ADGRV1: variants seen among roughly 807,000 people sequenced by gnomAD.
ADGRV1 encodes the protein G-protein coupled receptor 98.
A neutral mutation model predicts 596.2 loss-of-function variants in ADGRV1; 359 were observed. That is an observed-to-expected ratio of 0.60 (90% CI 0.55 to 0.66). The LOEUF (loss-of-function observed/expected upper bound fraction) is 0.66. ADGRV1 is among the 30% of genes least tolerant of loss of function. The pLI, the probability that ADGRV1 is intolerant of heterozygous loss-of-function variation, is 0.00. For synonymous variants in ADGRV1, 2,681 were observed against 2,679.2 expected (o/e 1.00, Z -0.02); for missense variants, 7,274 against 7,575.6 (o/e 0.96, Z 1.48).
intron 1 of ADGRV1, among the ~76,000 whole-genome samples, chr5:90,609,977 A>C (rs917029052): frequency 6.6e-5 from 10 of 151,860 alleles, no homozygotes; most frequent in African/African-American, 2.4e-4. Flanking sequence ...TTGAATTATG[A>C]CTTTCTTTCA....
Position 90,706,403 on chromosome 5 carries a change from C to T in ADGRV1, c.8730+9C>T, listed in dbSNP as rs886043931. 3.1e-5 allele frequency: 42 copies of T among 1,374,856 alleles called. No homozygotes were observed. Among genetic ancestry groups the T allele is most frequent in the East Asian group, 2.3e-4 (9 of 38,358 alleles). 85.2% of individuals were successfully genotyped at this position (1,374,856 alleles called of 1,614,324 possible). A position where few individuals can be genotyped will look rare whatever the true frequency, so the allele number is the denominator to read the frequency against. Reference sequence around the variant, plus strand: ...ACATTACCATTCTTGAGGTAAAACTCTTTTTTTTTTTTAATCTTAGGGGGA... The same window carrying T: ...ACATTACCATTCTTGAGGTAAAACTTTTTTTTTTTTTTAATCTTAGGGGGA... On this transcript the variant is annotated intron_variant, in intron 38 of 89. Transcript: ENST00000405460.
chr5:90,633,244 A>G (rs1389145300), intron 9 of ADGRV1, among the ~76,000 whole-genome samples: 2 of 151,958 alleles, frequency 1.3e-5, no homozygotes, highest in Non-Finnish European at 2.9e-5. Context: ...TACAATTAAC[A>G]TTTTCTTTTC....
At chr5:90,969,472 C>G (rs369129703) in intron 84 of ADGRV1, among the ~76,000 whole-genome samples, 130 of 152,336 alleles carry the variant, frequency 8.5e-4, no homozygotes, top group African/African-American at 3.1e-3. Context: ...ACCTTTAACT[C>G]CTTATTAAAG....
At chr5:90,639,103 C>T (rs1052433966) in intron 11 of ADGRV1, among the ~76,000 whole-genome samples, 10 of 151,214 alleles carry the variant, frequency 6.6e-5, no homozygotes, top group Admixed American at 2.6e-4. Context: ...CACACGCTCG[C>T]GCACACACAC....
At chr5:91,003,642 A>C (rs1026471287) in intron 85 of ADGRV1, among the ~76,000 whole-genome samples, 1 of 152,216 alleles carries the variant, frequency 6.6e-6, no homozygotes, top group African/African-American at 2.4e-5. Flanking sequence ...GTACACACTA[A>C]AATTTAGGAA....
Position 90,611,121 on chromosome 5 carries a change from G to A in ADGRV1, c.23-3714G>A, listed in dbSNP as rs182259694. Among the ~76,000 whole-genome samples the A allele has an allele frequency of 2.7e-3, 410 of 151,770 alleles. 2 individuals are homozygous for A. Among genetic ancestry groups the A allele is most frequent in the African/African-American group, 8.4e-3 (349 of 41,424 alleles). On this transcript the variant is annotated intron_variant, in intron 1 of 89. Transcript: ENST00000405460. ...TCTCGGTGATTGATGAGCACAGGGC[G>A]TTGCATGATGTACAGGTACACAATA... is the stretch of plus-strand genomic sequence containing the variant.
intron 85 of ADGRV1, among the ~76,000 whole-genome samples, chr5:91,052,560 G>A (rs569740190): frequency 2.0e-5 from 3 of 151,548 alleles, no homozygotes; most frequent in South Asian, 4.2e-4. Context: ...TCAGCCTCCC[G>A]AGTAGCTGGT....
intron 76 of ADGRV1, 79 bp from the exon 77 acceptor site, chr5:90,828,865 A>C: frequency 2.4e-6 from 2 of 837,462 alleles, no homozygotes; most frequent in South Asian, 3.6e-5. Context: ...TGAATTATAC[A>C]ATATTTAAAT....
intron 20 of ADGRV1, among the ~76,000 whole-genome samples, chr5:90,656,234 G>T (rs1769390623): frequency 6.6e-6 from 1 of 152,084 alleles, no homozygotes; most frequent in African/African-American, 2.4e-5. Context: ...CATTTATAAG[G>T]CATTTTCCAT....
intron 83 of ADGRV1, among the ~76,000 whole-genome samples, chr5:90,951,025 T>G (rs7705201): frequency 0.43 from 64,997 of 152,016 alleles, 15,075 homozygotes; most frequent in Non-Finnish European, 0.51. Context: ...TGTTATAAAA[T>G]CTGTGGTGAA....
chr5:91,100,264 G>C (rs1582057022), intron 86 of ADGRV1, among the ~76,000 whole-genome samples: 1 of 151,978 alleles, frequency 6.6e-6, no homozygotes, highest in African/African-American at 2.4e-5. Context: ...TATACAAAAA[G>C]TACAAAAATT....
At chr5:90,899,685 A>C (rs186572188) in intron 83 of ADGRV1, among the ~76,000 whole-genome samples, 7 of 152,090 alleles carry the variant, frequency 4.6e-5, no homozygotes, top group Non-Finnish European at 1.0e-4. Flanking sequence ...TCCTTCAGAC[A>C]CTTTTTATTT....
chr5:90,942,418 G>T (rs143064509), intron 83 of ADGRV1, among the ~76,000 whole-genome samples: 274 of 152,234 alleles, frequency 1.8e-3, no homozygotes, highest in African/African-American at 6.1e-3. Context: ...GAGAGGAGAG[G>T]GAATAGTATG....
intron 7 of ADGRV1, 93 bp downstream of exon 7, chr5:90,627,869 GA>G (rs1278775662): frequency 1.5e-6 from 1 of 679,730 alleles, no homozygotes; most frequent in Non-Finnish European, 2.3e-6. Context: ...TGAACTGTTA[GA>G]ATATGTGTCA....
chr5:90,625,523 G>A, intron 6 of ADGRV1: 1 of 255,546 alleles, frequency 3.9e-6, no homozygotes, highest in Admixed American at 5.3e-5. Flanking sequence ...TTTTGAGCAA[G>A]AACAATACTA....
chr5:90,567,032 C>CT (rs1420273273), intron 1 of ADGRV1, among the ~76,000 whole-genome samples: 2 of 151,730 alleles, frequency 1.3e-5, no homozygotes, highest in African/African-American at 2.4e-5. Context: ...TTTTCAAGTG[C>CT]TTTTTTTGTG....
chr5:90,775,396 A>G (rs892800272), intron 60 of ADGRV1, among the ~76,000 whole-genome samples: 1 of 152,178 alleles, frequency 6.6e-6, no homozygotes, highest in African/African-American at 2.4e-5. Flanking sequence ...AGTTATCTAC[A>G]TCATGTTAAA....
At chr5:90,645,747 A>G (rs1476784808) in intron 15 of ADGRV1, among the ~76,000 whole-genome samples, 2 of 152,160 alleles carry the variant, frequency 1.3e-5, no homozygotes, top group Non-Finnish European at 2.9e-5. Context: ...TTTCATAGTT[A>G]GTCTAAATGA....
At chr5:90,921,737 T>G (rs1244547534) in intron 83 of ADGRV1, among the ~76,000 whole-genome samples, 1 of 151,788 alleles carries the variant, frequency 6.6e-6, no homozygotes, top group African/African-American at 2.4e-5. Context: ...CAAGATATAT[T>G]AATGTAGTAA....
Sources: gnomAD v4.1 joint callset for allele counts (sites outside exome capture counted in the v4.1 genomes callset) on GRCh38, gnomAD v4.1.1 for gene constraint, MANE v1.5 for transcripts, NCBI Gene and HGNC (gene_info 2026-07-23, HGNC 2026-07-21) for gene names.